The following SCEL variants were observed in gnomAD, a reference collection of about 807,000 sequenced individuals.
The protein encoded by SCEL is sciellin.
A neutral mutation model predicts 117.6 loss-of-function variants in SCEL; 113 were observed. The observed-to-expected ratio is 0.96, with a 90% CI of 0.83 to 1.12. The LOEUF is 1.12. Among genes scored for constraint, SCEL ranks in the 50% most tolerant of loss-of-function variants. The probability of loss-of-function intolerance (pLI) is 0.00; values close to 1 mark genes in which losing one functional copy is unlikely to be tolerated. For synonymous variants in SCEL, 270 were observed against 256.2 expected, an observed-to-expected ratio of 1.05 and a Z score of -0.51; for missense variants, 785 against 810.8, an observed-to-expected ratio of 0.97 and a Z score of 0.39.
At chr13:77,615,355 A>G (rs535890362) in intron 24 of SCEL, among the ~76,000 whole-genome samples, 2 of 152,214 alleles carry the variant, frequency 1.3e-5, no homozygotes, top group African/African-American at 4.8e-5. Flanking sequence ...TGATCTTAAA[A>G]TATATAAAAA....
rs756172231 is a variant in SCEL at position 77,613,972 on chromosome 13, AT to A, written c.1451+22del. On this transcript the variant is annotated intron_variant, in intron 24 of 32. Coordinates refer to ENST00000349847, the MANE Select transcript of SCEL (RefSeq NM_144777.3). ...CACTGATGGGTAAGAGATGGATGTG[AT>A]TTTTGTTGTGTTTCTCGTTAAGTAA... 8 of 1,604,754 alleles carry A rather than the reference AT, an allele frequency of 5.0e-6. No homozygotes were observed. The highest frequency in any genetic ancestry group is 2.2e-5 in the East Asian group (1 of 44,792).
chr13:77,604,243 C>G (rs2087941027), intron 18 of SCEL, 113 bp from the exon 19 acceptor site: 1 of 601,628 alleles, frequency 1.7e-6, no homozygotes, highest in African/African-American at 2.0e-5. Context: ...TAAAAATTTA[C>G]ATTGATATAG....
chr13:77,558,621 C>G (rs1207649846), intron 3 of SCEL, among the ~76,000 whole-genome samples: 5 of 151,672 alleles, frequency 3.3e-5, no homozygotes, highest in Non-Finnish European at 5.9e-5. Context: ...TGAGACCAGC[C>G]TGGCCAACAG....
Position 77,591,273 on chromosome 13 carries a change from G to A in SCEL, c.627-122G>A, listed in dbSNP as rs2086851069. On this transcript the variant is annotated intron_variant, in intron 10 of 32. Coordinates refer to ENST00000349847, the MANE Select transcript of SCEL (RefSeq NM_144777.3). Reference sequence around the variant, plus strand: ...AAAGAATTTAAGTTTGTTATCTCAGGTAGTGTTATGGTTCCAACAAACACT... The same window carrying A: ...AAAGAATTTAAGTTTGTTATCTCAGATAGTGTTATGGTTCCAACAAACACT... The A allele has an allele frequency of 5.9e-5, 40 of 683,428 alleles. No individual in the cohort carries two copies. The South Asian group carries it at 6.5e-4, about 11-fold the overall frequency. The allele number at this position is 683,428 out of a possible 1,614,324, so 42.3% of individuals were successfully genotyped here. A position where few individuals can be genotyped will look rare whatever the true frequency, so the allele number is the denominator to read the frequency against.
At chr13:77,579,104 A>C (rs1211437693) in intron 9 of SCEL, among the ~76,000 whole-genome samples, 2 of 152,164 alleles carry the variant, frequency 1.3e-5, no homozygotes, top group African/African-American at 4.8e-5. Context: ...GATGGATTCT[A>C]CCATCTCAAA....
At chr13:77,592,689 G>T (rs184286608) in intron 11 of SCEL, among the ~76,000 whole-genome samples, 6 of 151,538 alleles carry the variant, frequency 4.0e-5, no homozygotes, top group Admixed American at 3.9e-4. Flanking sequence ...CTCCTGAGTA[G>T]TTGGGACTAC....
rs116091129 is a variant in SCEL at position 77,613,766 on chromosome 13, A to T, written c.1389-127A>T. 1.2e-3 allele frequency: 891 copies of T among 737,214 alleles called. 3 individuals carry two copies. In the African/African-American group the frequency reaches 0.014, roughly 12 times the overall value. 45.7% of individuals were successfully genotyped at this position (737,214 alleles called of 1,614,324 possible). ...GGATTAAAAAAATGGTAACTAATAT[A>T]TATAAATTGGAAACTCAGTAAACTT... On this transcript the variant is annotated intron_variant, in intron 23 of 32. Transcript: ENST00000349847.
chr13:77,581,683 C>T (rs566705622), intron 9 of SCEL, among the ~76,000 whole-genome samples: 1 of 152,264 alleles, frequency 6.6e-6, no homozygotes, highest in African/African-American at 2.4e-5. Context: ...TCATAAAAAC[C>T]AAATAATTTG....
intron 3 of SCEL, among the ~76,000 whole-genome samples, 166 bp from the exon 4 acceptor site, chr13:77,559,638 G>A (rs1466301930): frequency 6.6e-6 from 1 of 152,154 alleles, no homozygotes. Flanking sequence ...GCTCTTTCAA[G>A]TGGTGACTGG....
chr13:77,637,409 A>AACATATATACATAT (rs2090353868), intron 30 of SCEL, among the ~76,000 whole-genome samples: 3 of 59,582 alleles, frequency 5.0e-5, no homozygotes, highest in African/African-American at 1.5e-4. Context: ...TACATATATA[A>AACATATATACATAT]ATAAATATAT....
rs2085363960 is a variant in SCEL at position 77,567,680 on chromosome 13, G to T, written c.291G>T (p.Arg97Ser). 2 of 1,603,376 alleles carry T rather than the reference G, an allele frequency of 1.2e-6. No individual in the cohort carries two copies. Among genetic ancestry groups the T allele is most frequent in the Admixed American group, 1.7e-5 (1 of 58,440 alleles). ...ACTTTTGTCTTGTTTCTTTATAAAGGATCTCAGACAGAAATGATGCTGCTA... is the reference window on the plus strand; with the variant it reads ...ACTTTTGTCTTGTTTCTTTATAAAGTATCTCAGACAGAAATGATGCTGCTA... ...SRYSSDDTLD[R>S]ISDRNDAAKT... is the part of the protein sequence containing the mutation. Residue 97 changes from arginine to serine, a missense_variant and splice_region_variant, in exon 6 of 33, where the codon AGG becomes AGT. Arg to Ser is a moderately radical substitution (Grantham distance 110). Coordinates refer to ENST00000349847, the MANE Select transcript of SCEL (RefSeq NM_144777.3).
chr13:77,593,295 T>TGTGTGTGTGTGCGCGCGCGC (rs796907419), intron 11 of SCEL, among the ~76,000 whole-genome samples: 33 of 136,882 alleles, frequency 2.4e-4, no homozygotes, highest in African/African-American at 8.1e-4. Flanking sequence ...TGTGTGTGTG[T>TGTGTGTGTGTGCGCGCGCGC]GTCTGTGTGT....
At position 77,567,836 on chromosome 13, in the gene SCEL, T is replaced by G. The variant is rs2085374677; in HGVS notation, c.359+88T>G. On this transcript the variant is annotated intron_variant, in intron 6 of 32. Coordinates refer to ENST00000349847, the MANE Select transcript of SCEL (RefSeq NM_144777.3). The stretch of plus-strand genomic sequence containing the variant: ...GTACTTGCAATTCTTCAATCCTACT[T>G]GATATCTTTCTGTAAATTCTTAGTC... The G allele has an allele frequency of 3.3e-4, 259 of 795,000 alleles. 2 individuals are homozygous for G. The South Asian group carries it at 4.3e-3, about 13-fold the overall frequency. The allele number at this position is 795,000 out of a possible 1,614,324, so 49.2% of individuals were successfully genotyped here. A position where few individuals can be genotyped will look rare whatever the true frequency, so the allele number is the denominator to read the frequency against.
rs559520404 is a variant in SCEL, at chr13:77,612,964, A to AG, written c.1388+24dup. ...AAGGTAAACTTATTAAGATAATTGA[A>AG]GACTTCTTAGCAAGTCACCAATTTA... On this transcript the variant is annotated intron_variant, in intron 23 of 32. Transcript: ENST00000349847. 1.1e-3 allele frequency: 1,612 copies of AG among 1,439,138 alleles called. 1 individual carries two copies. Among genetic ancestry groups the AG allele is most frequent in the Non-Finnish European group, 1.4e-3 (1,494 of 1,049,524 alleles). The allele number at this position is 1,439,138 out of a possible 1,614,324, so 89.1% of individuals were successfully genotyped here.
intron 9 of SCEL, among the ~76,000 whole-genome samples, chr13:77,587,430 C>T (rs571062618): frequency 5.9e-5 from 9 of 152,200 alleles, no homozygotes; most frequent in East Asian, 3.9e-4. Context: ...CCATCAGCCT[C>T]GAAGTAGCTA....
intron 1 of SCEL, among the ~76,000 whole-genome samples, chr13:77,551,146 A>T (rs1444267798): frequency 3.3e-5 from 5 of 152,188 alleles, no homozygotes; most frequent in African/African-American, 1.2e-4. Context: ...CACCTTGGAC[A>T]TGTTGCATCC....
chr13:77,540,728 G>C (rs1167694103), intron 1 of SCEL, among the ~76,000 whole-genome samples: 1 of 152,190 alleles, frequency 6.6e-6, no homozygotes, highest in Non-Finnish European at 1.5e-5. Flanking sequence ...GGGGAGTTGG[G>C]GGAAATGAGG....
chr13:77,558,243 C>T (rs2084770052), intron 3 of SCEL, among the ~76,000 whole-genome samples: 2 of 152,140 alleles, frequency 1.3e-5, no homozygotes, highest in Admixed American at 1.3e-4. Context: ...GGGAAGCCAG[C>T]TTGGATGGCA....
intron 27 of SCEL, among the ~76,000 whole-genome samples, chr13:77,624,801 CAGA>C (rs1424144495): frequency 1.3e-5 from 2 of 152,038 alleles, no homozygotes; most frequent in African/African-American, 4.8e-5. Flanking sequence ...ATAGACAGAC[CAGA>C]CAATCTTAAA....
Sources: gnomAD v4.1 joint callset for allele counts (sites outside exome capture counted in the v4.1 genomes callset) on GRCh38, gnomAD v4.1.1 for gene constraint, MANE v1.5 for transcripts, NCBI Gene and HGNC (gene_info 2026-07-23, HGNC 2026-07-21) for gene names.